GTF3C2: variants seen among roughly 807,000 people sequenced by gnomAD.
GTF3C2 encodes general transcription factor 3C polypeptide 2.
In GTF3C2, 17 loss-of-function variants were observed where a neutral mutation model predicts 117.4. The ratio of observed to expected loss-of-function variants is 0.14; its 90% CI spans 0.10 to 0.22. The LOEUF is 0.22. Among genes scored for constraint, GTF3C2 ranks in the 10% least tolerant of loss-of-function variants. The probability of loss-of-function intolerance (pLI) is 1.00; values close to 1 mark genes in which losing one functional copy is unlikely to be tolerated. For synonymous variants in GTF3C2, 437 were observed against 427.0 expected (o/e 1.02, Z -0.29); for missense variants, 888 against 1,143.6 (o/e 0.78, Z 3.22).
chr2:27,337,576 G>A lies in GTF3C2; in HGVS notation c.951-18C>T, dbSNP rs778149060. On this transcript the variant is annotated intron_variant, in intron 5 of 18. Coordinates refer to ENST00000264720, the Ensembl canonical transcript of GTF3C2. ...GCTCTCGGCTGGAGAAACAGAAGAAGCATTAATGAAGGAGAGGGATTCTAC... is the reference window on the plus strand; with the variant it reads ...GCTCTCGGCTGGAGAAACAGAAGAAACATTAATGAAGGAGAGGGATTCTAC... 2.6e-6 allele frequency: 4 copies of A among 1,548,672 alleles called. No homozygotes were observed. The highest frequency in any genetic ancestry group is 3.4e-4 in the Middle Eastern group (2 of 5,956).
At chr2:27,335,214 G>C (rs1396879220) in intron 10 of GTF3C2, 1 of 479,106 alleles carries the variant, frequency 2.1e-6, no homozygotes, top group African/African-American at 2.0e-5. Flanking sequence ...TGTTTGTGTG[G>C]TGGTGAGGGC....
At chr2:27,328,532 G>C in exon 16 of GTF3C2, 1 of 1,609,346 alleles carries the variant, frequency 6.2e-7, no homozygotes, top group Non-Finnish European at 8.5e-7. Flanking sequence ...TAATATAGCA[G>C]CAATGAGCTC....
intron 1 of GTF3C2, 102 bp downstream of exon 1, chr2:27,356,637 G>C (rs1681399368): frequency 6.3e-6 from 1 of 158,238 alleles, no homozygotes; most frequent in Non-Finnish European, 1.4e-5. Flanking sequence ...TGGGAGAAGA[G>C]CGGAGCCAGG....
chr2:27,327,929 GCTC>G (rs1198316613), intron 17 of GTF3C2, 105 bp downstream of exon 17: 4 of 885,676 alleles, frequency 4.5e-6, no homozygotes, highest in Non-Finnish European at 6.9e-6. Flanking sequence ...CCTGGCCGAG[GCTC>G]CTTAGTTTTA....
intron 4 of GTF3C2, 95 bp from the exon 5 acceptor site, chr2:27,338,115 C>A: frequency 2.5e-6 from 2 of 784,994 alleles, no homozygotes; most frequent in Non-Finnish European, 4.6e-6. Flanking sequence ...TCTTCTTTGG[C>A]AATACCTCCC....
chr2:27,337,980 A>G, exon 5 of GTF3C2: 2 of 1,612,674 alleles, frequency 1.2e-6, no homozygotes, highest in Non-Finnish European at 1.7e-6. Flanking sequence ...ATGATTTGGT[A>G]AGCCATTGGG....
At chr2:27,337,407 A>G (rs139226505) in intron 6 of GTF3C2, 65 bp from the exon 7 acceptor site, 302 of 1,466,022 alleles carry the variant, frequency 2.1e-4, no homozygotes, top group Non-Finnish European at 2.8e-4. Context: ...GGTTCCCATT[A>G]TAGAGCCTCT....
chr2:27,327,282 A>G, exon 18 of GTF3C2: 1 of 1,536,226 alleles, frequency 6.5e-7, no homozygotes, highest in Non-Finnish European at 9.0e-7. Flanking sequence ...CATGGAATGA[A>G]CCCTGGGGAA....
rs751042454 is a variant in GTF3C2 at position 27,328,021 on chromosome 2, C to T, written c.2409+16G>A. 6.2e-7 allele frequency: 1 copy of T among 1,603,780 alleles called. No homozygotes were observed. The highest frequency in any genetic ancestry group is 8.5e-7 in the Non-Finnish European group (1 of 1,174,964). Reference sequence around the variant, plus strand: ...CCTTTTCTAATACCACACCCATTCTCCTGGCCTCAGCTTACCAAATCTGTG... The same window carrying T: ...CCTTTTCTAATACCACACCCATTCTTCTGGCCTCAGCTTACCAAATCTGTG... On this transcript the variant is annotated intron_variant, in intron 17 of 18. Transcript: ENST00000264720.
chr2:27,332,176 T>G (rs1680294344), intron 12 of GTF3C2, among the ~76,000 whole-genome samples: 1 of 152,046 alleles, frequency 6.6e-6, no homozygotes, highest in Admixed American at 6.6e-5. Context: ...ATGATCCCAT[T>G]TATTTAGTTA....
intron 12 of GTF3C2, among the ~76,000 whole-genome samples, chr2:27,332,471 G>T (rs192381441): frequency 0.034 from 5,090 of 151,728 alleles, 118 homozygotes; most frequent in Non-Finnish European, 0.048. Context: ...CTAGAGTACA[G>T]TGGCACCATC....
chr2:27,334,075 G>A lies in GTF3C2; in HGVS notation c.1577-76C>T, dbSNP rs1359338735. 8.5e-6 allele frequency: 9 copies of A among 1,054,008 alleles called. No homozygotes were observed. The South Asian group carries it at 8.9e-5, about 10-fold the overall frequency. 65.3% of individuals were successfully genotyped at this position (1,054,008 alleles called of 1,614,324 possible). ...AGGTCTTACTCTGTCACCCAGGCCC[G>A]AGTGCAGTGGCATGATCATGGCTCA... On this transcript the variant is annotated intron_variant, in intron 10 of 18. Coordinates refer to ENST00000264720, the Ensembl canonical transcript of GTF3C2.
At chr2:27,326,685 G>A in exon 19 of GTF3C2, 1 of 1,613,128 alleles carries the variant, frequency 6.2e-7, no homozygotes, top group Non-Finnish European at 8.5e-7. Flanking sequence ...CTAGGGAGTG[G>A]GCAGAAGGCG....
At chr2:27,336,810 A>C in intron 7 of GTF3C2, 1 of 220,602 alleles carries the variant, frequency 4.5e-6, no homozygotes. Flanking sequence ...GGGTCTTGCT[A>C]TGTTTCCTAG....
intron 4 of GTF3C2, chr2:27,341,357 G>T (rs1182392443): frequency 6.6e-6 from 1 of 152,642 alleles, no homozygotes; most frequent in Non-Finnish European, 1.5e-5. Flanking sequence ...TTTTTAAATG[G>T]TTAAAATGGC....
intron 1 of GTF3C2, among the ~76,000 whole-genome samples, chr2:27,350,855 A>G (rs930404501): frequency 2.6e-5 from 4 of 151,782 alleles, no homozygotes; most frequent in African/African-American, 9.7e-5. Context: ...AGGCTGAGGC[A>G]GGAGAATCGC....
chr2:27,333,905 CTG>C, intron 11 of GTF3C2, 67 bp downstream of exon 11: 1 of 1,457,704 alleles, frequency 6.9e-7, no homozygotes. Context: ...AGGAGACTCA[CTG>C]TGGAATCAGC....
At chr2:27,355,977 G>A (rs1386684523) in intron 1 of GTF3C2, 5 of 615,538 alleles carry the variant, frequency 8.1e-6, no homozygotes, top group Admixed American at 4.9e-5. Flanking sequence ...AATTTAAAGA[G>A]AACTATTCAG....
intron 1 of GTF3C2, chr2:27,350,370 G>C (rs915193876): frequency 6.2e-6 from 6 of 968,838 alleles, no homozygotes; most frequent in Non-Finnish European, 7.4e-6. Flanking sequence ...CTCTTCAGGG[G>C]ATTCTGACGC....
Sources: allele counts gnomAD v4.1 joint callset (sites outside exome capture counted in the v4.1 genomes callset), GRCh38; gene constraint gnomAD v4.1.1; transcripts MANE v1.5; gene names NCBI Gene and HGNC (gene_info 2026-07-23, HGNC 2026-07-21).